The following GALNS variants were observed in gnomAD, a reference collection of about 807,000 sequenced individuals.
The protein encoded by GALNS is N-acetylgalactosamine-6-sulfatase.
GALNS carries 65 observed loss-of-function variants against 65.9 expected under a neutral mutation model. That is an observed-to-expected ratio of 0.99 (90% CI 0.81 to 1.21). GALNS has a LOEUF of 1.21. GALNS is among the 50% of genes most tolerant of loss of function. GALNS has a pLI of 0.00. For missense variants in GALNS, 776 were observed against 700.7 expected, an observed-to-expected ratio of 1.11 and a Z score of -1.21; for synonymous variants, 346 against 288.9, an observed-to-expected ratio of 1.20 and a Z score of -2.00.
At chr16:88,839,388 C>T (rs1912486082) in intron 4 of GALNS, among the ~76,000 whole-genome samples, 1 of 152,266 alleles carries the variant, frequency 6.6e-6, no homozygotes, top group African/African-American at 2.4e-5. Flanking sequence ...CAGGACGCTA[C>T]ACAAATTAAG....
intron 1 of GALNS, among the ~76,000 whole-genome samples, chr16:88,854,084 G>A (rs115677349): frequency 0.01 from 1,548 of 152,344 alleles, 21 homozygotes; most frequent in African/African-American, 0.036. Context: ...ACTGGATAGG[G>A]GGAGACTGGG....
intron 1 of GALNS, among the ~76,000 whole-genome samples, chr16:88,854,358 C>T (rs1391077920): frequency 1.3e-5 from 2 of 152,228 alleles, no homozygotes; most frequent in Admixed American, 1.3e-4. Flanking sequence ...GACCCCCTTG[C>T]ACCCTGGGCC....
At chr16:88,827,143 C>T (rs1911015548) in intron 9 of GALNS, 2 of 519,520 alleles carry the variant, frequency 3.8e-6, no homozygotes, top group East Asian at 3.4e-5. Flanking sequence ...TCCAGGCCCA[C>T]CTGTCCGGAG....
Position 88,849,974 on chromosome 16 carries a change from C to A in GALNS, c.120+6784G>T, listed in dbSNP as rs1967430745. ...GTGCATCCCACTGAGGCAGCAGAAACCTGCAGTGCAGGCTGGGACGGTACA... is the reference window on the plus strand; with the variant it reads ...GTGCATCCCACTGAGGCAGCAGAAAACTGCAGTGCAGGCTGGGACGGTACA... On this transcript the variant is annotated intron_variant, in intron 1 of 13. Coordinates refer to ENST00000268695, the MANE Select transcript of GALNS (RefSeq NM_000512.5). Among the ~76,000 whole-genome samples the A allele has an allele frequency of 2.0e-5, 3 of 152,308 alleles. No homozygotes were observed. The Middle Eastern group carries it at 0.01, about 518-fold the overall frequency.
Position 88,814,008 on chromosome 16 carries a change from A to G in GALNS, c.*431T>C, listed in dbSNP as rs1208303445. ...AAGGCTGACTGAACCAATGTACGCC[A>G]TACACATACTGATCTTGTGTCTCCC... On this transcript the variant is annotated 3_prime_UTR_variant, in exon 14 of 14. Transcript: ENST00000268695. 3 of 313,832 alleles carry G rather than the reference A, an allele frequency of 9.6e-6. No homozygotes were observed. Among genetic ancestry groups the G allele is most frequent in the Non-Finnish European group, 1.3e-5 (2 of 159,100 alleles). 19.4% of individuals were successfully genotyped at this position (313,832 alleles called of 1,614,324 possible). A position where few individuals can be genotyped will look rare whatever the true frequency, so the allele number is the denominator to read the frequency against.
At position 88,835,285 on chromosome 16, in the gene GALNS, GC is replaced by G; in HGVS notation, c.825del (p.His276ThrfsTer43). ...AAGACGAAGGTGTTGTCCGCGACGTGCAGGTCTTGGAGGAGCTCCAGTATCT... is the reference window on the plus strand; with the variant it reads ...AAGACGAAGGTGTTGTCCGCGACGTGAGGTCTTGGAGGAGCTCCAGTATCT... ...IGKILELLQD[L>X]HVADNTFVFF... On this transcript the variant is annotated frameshift_variant, in exon 8 of 14. Transcript: ENST00000268695. LOFTEE classifies it high-confidence loss of function. 6.2e-7 allele frequency: 1 copy of G among 1,613,160 alleles called. No individual in the cohort carries two copies. The highest frequency in any genetic ancestry group is 8.5e-7 in the Non-Finnish European group (1 of 1,179,644).
intron 1 of GALNS, chr16:88,844,208 T>TGGGGTGATGCCAGGAGGCC (rs1967128645): frequency 6.6e-6 from 1 of 152,228 alleles, no homozygotes; most frequent in Non-Finnish European, 1.5e-5. Context: ...GCACGGAGGC[T>TGGGGTGATGCCAGGAGGCC]GGGGTGATGC....
At chr16:88,838,077 G>A (rs988007793) in intron 4 of GALNS, among the ~76,000 whole-genome samples, 4 of 152,208 alleles carry the variant, frequency 2.6e-5, no homozygotes, top group African/African-American at 9.7e-5. Flanking sequence ...GAACCCGCCT[G>A]ACATGCCCCT....
chr16:88,837,666 G>C lies in GALNS; in HGVS notation c.522C>G (p.Ala174=), dbSNP rs891821999. The C allele has an allele frequency of 7.4e-6, 12 of 1,613,860 alleles. No individual in the cohort carries two copies. The Admixed American group carries it at 1.5e-4, about 20-fold the overall frequency. Residue 174 remains alanine, a synonymous_variant, in exon 5 of 14, where the codon GCC becomes GCG. Coordinates refer to ENST00000268695, the MANE Select transcript of GALNS (RefSeq NM_000512.5). ...CCCTGTACACAGGGATGTTGGGCCT[G>C]GCCTTGTTGTCATAAGGTCCAAAGT... ...NCHFGPYDNK[A]RPNIPVYRDW...
At chr16:88,840,100 G>A (rs989083927) in intron 4 of GALNS, among the ~76,000 whole-genome samples, 1 of 152,232 alleles carries the variant, frequency 6.6e-6, no homozygotes, top group Admixed American at 6.5e-5. Flanking sequence ...CATCAGCTCT[G>A]CCCTGTGCTT....
At chr16:88,817,447 G>A (rs1909748204) in intron 13 of GALNS, 1 of 985,334 alleles carries the variant, frequency 1.0e-6, no homozygotes, top group Non-Finnish European at 1.2e-6. Flanking sequence ...TGATGCGAAG[G>A]TCTCTGGGGC....
At chr16:88,834,971 C>T (rs1423232863) in intron 8 of GALNS, among the ~76,000 whole-genome samples, 2 of 151,692 alleles carry the variant, frequency 1.3e-5, no homozygotes, top group Non-Finnish European at 2.9e-5. Flanking sequence ...TCTTCCAAGA[C>T]AAACCCTCTC....
chr16:88,853,064 A>G (rs1967581581), intron 1 of GALNS, among the ~76,000 whole-genome samples: 1 of 151,932 alleles, frequency 6.6e-6, no homozygotes, highest in Non-Finnish European at 1.5e-5. Context: ...CAGACTGGCC[A>G]ATATGGTGAA....
At chr16:88,836,361 A>T in intron 5 of GALNS, 94 bp from the exon 6 acceptor site, 3 of 1,046,698 alleles carry the variant, frequency 2.9e-6, no homozygotes, top group Non-Finnish European at 4.3e-6. Flanking sequence ...GGCTTCATTT[A>T]AAAGAAGGCT....
Position 88,842,909 on chromosome 16 carries a change from G to A in GALNS, c.121-80C>T. On this transcript the variant is annotated intron_variant, in intron 1 of 13. Transcript: ENST00000268695. Reference sequence around the variant, plus strand: ...CCTGGGGAGCTGCCCATGGTGCCAAGAGCGTGTCGGGGACCGTGGAAGCCA... The same window carrying A: ...CCTGGGGAGCTGCCCATGGTGCCAAAAGCGTGTCGGGGACCGTGGAAGCCA... The A allele has an allele frequency of 1.1e-5, 17 of 1,577,826 alleles. 1 individual carries two copies. The highest frequency in any genetic ancestry group is 1.1e-5 in the Non-Finnish European group (13 of 1,162,740).
chr16:88,830,247 AAAAAAAAAAC>A (rs1359451532), intron 9 of GALNS, among the ~76,000 whole-genome samples: 20 of 150,704 alleles, frequency 1.3e-4, no homozygotes, highest in African/African-American at 4.4e-4. Flanking sequence ...AAAAAAAAAA[AAAAAAAAAAC>A]GTGGAACAGG....
chr16:88,824,999 A>G (rs909013274), intron 10 of GALNS, 130 bp from the exon 11 acceptor site: 1 of 761,034 alleles, frequency 1.3e-6, no homozygotes. Context: ...CTTTACAAAG[A>G]TGATTGAAAA....
chr16:88,835,605 G>A, intron 7 of GALNS, 120 bp downstream of exon 7: 2 of 1,478,992 alleles, frequency 1.4e-6, no homozygotes, highest in Non-Finnish European at 1.9e-6. Context: ...TCAAAGGGGT[G>A]GGGTTGCTCT....
intron 4 of GALNS, 74 bp from the exon 5 acceptor site, chr16:88,837,839 C>T (rs1912303106): frequency 6.6e-7 from 1 of 1,504,790 alleles, no homozygotes; most frequent in Non-Finnish European, 9.2e-7. Flanking sequence ...GCAACAGATA[C>T]CACCTTCACA....
Sources: allele counts gnomAD v4.1 joint callset (sites outside exome capture counted in the v4.1 genomes callset), GRCh38; gene constraint gnomAD v4.1.1; transcripts MANE v1.5; gene names NCBI Gene and HGNC (gene_info 2026-07-23, HGNC 2026-07-21).